BST1: variants seen among roughly 807,000 people sequenced by gnomAD.
BST1 encodes the protein bone marrow stromal cell antigen 1.
In BST1, 49 loss-of-function variants were observed where a neutral mutation model predicts 40.6. The ratio of observed to expected loss-of-function variants is 1.21; its 90% CI spans 0.96 to 1.53. BST1 has a LOEUF of 1.53. BST1 is among the 40% of genes most tolerant of loss of function. The pLI, the probability that BST1 is intolerant of heterozygous loss-of-function variation, is 0.00. For missense variants in BST1, 423 were observed against 395.9 expected (o/e 1.07, Z -0.58); for synonymous variants, 157 against 159.3 (o/e 0.99, Z 0.11).
At position 15,731,986 on chromosome 4, in the gene BST1, C is replaced by T; in HGVS notation, c.*141C>T. ...AAACGATGTCCTGAAAATGGTATTT[C>T]AATGAGGCATATGTTCAGGATTTCA... On this transcript the variant is annotated 3_prime_UTR_variant, in exon 9 of 9. Transcript: ENST00000265016. The T allele has an allele frequency of 1.4e-6, 2 of 1,390,402 alleles. No individual in the cohort carries two copies. Among genetic ancestry groups the T allele is most frequent in the Non-Finnish European group, 1.9e-6 (2 of 1,068,634 alleles). The allele number at this position is 1,390,402 out of a possible 1,614,324, so 86.1% of individuals were successfully genotyped here.
exon 7 of BST1, chr4:15,737,957 G>A (rs1398552393): frequency 2.2e-6 from 1 of 444,504 alleles, no homozygotes; most frequent in Non-Finnish European, 4.0e-6. Flanking sequence ...CTCTCCACAA[G>A]CTTCAGAGGA....
intron 3 of BST1, among the ~76,000 whole-genome samples, chr4:15,711,531 G>C (rs1476785243): frequency 6.6e-6 from 1 of 152,164 alleles, no homozygotes; most frequent in East Asian, 1.9e-4. Flanking sequence ...ATGCTCAGTG[G>C]TCAGCTAGAC....
In BST1 at chr4:15,732,258, C is replaced by A; in HGVS notation, c.*413C>A. 2 of 334,196 alleles carry A rather than the reference C, an allele frequency of 6.0e-6. No individual in the cohort carries two copies. Among genetic ancestry groups the A allele is most frequent in the African/African-American group, 2.2e-5 (1 of 44,810 alleles). 20.7% of individuals were successfully genotyped at this position (334,196 alleles called of 1,614,324 possible). The stretch of plus-strand genomic sequence containing the variant: ...CATATGTATACTATATAAATGTATG[C>A]ATATATGGTCTGCAAAGTTTTCATT... On this transcript the variant is annotated 3_prime_UTR_variant, in exon 9 of 9. Coordinates refer to ENST00000265016, the MANE Select transcript of BST1 (RefSeq NM_004334.3).
At chr4:15,715,934 A>C in intron 6 of BST1, 135 bp downstream of exon 6, 1 of 620,450 alleles carries the variant, frequency 1.6e-6, no homozygotes. Context: ...TTGGTAGAGA[A>C]AGACAAAAGC....
chr4:15,741,335 G>T (rs1721736673), downstream of BST1, among the ~76,000 whole-genome samples: 1 of 152,108 alleles, frequency 6.6e-6, no homozygotes. Flanking sequence ...AGAATTCTGT[G>T]CTCCTAGCAA....
At chr4:15,741,348 CTAT>C (rs1721736970), downstream of BST1, among the ~76,000 whole-genome samples, 1 of 152,048 alleles carries the variant, frequency 6.6e-6, no homozygotes, top group African/African-American at 2.4e-5. Flanking sequence ...CCTAGCAATC[CTAT>C]TATTATAGAA....
chr4:15,772,085 G>T, the BST1 span, among the ~76,000 whole-genome samples: 2 of 152,048 alleles, frequency 1.3e-5, no homozygotes, highest in African/African-American at 4.8e-5. Flanking sequence ...GAAGAAGAAA[G>T]AATTGTTTTC....
the BST1 span, among the ~76,000 whole-genome samples, chr4:15,770,801 G>A: frequency 6.6e-6 from 1 of 152,184 alleles, no homozygotes; most frequent in Non-Finnish European, 1.5e-5. Flanking sequence ...TTGACTACTT[G>A]CTAGGGGCCA....
chr4:15,769,747 A>G, the BST1 span, among the ~76,000 whole-genome samples: 6 of 152,086 alleles, frequency 3.9e-5, no homozygotes, highest in Admixed American at 2.0e-4. Flanking sequence ...AGATTAGGGG[A>G]AAAAAAGGCA....
intron 4 of BST1, among the ~76,000 whole-genome samples, chr4:15,714,540 T>C (rs909215684): frequency 5.9e-5 from 9 of 152,266 alleles, no homozygotes; most frequent in African/African-American, 2.2e-4. Flanking sequence ...AATGGCTGGT[T>C]AAGATTTCAG....
At chr4:15,746,621 C>T in the BST1 span, among the ~76,000 whole-genome samples, 1 of 152,180 alleles carries the variant, frequency 6.6e-6, no homozygotes, top group Non-Finnish European at 1.5e-5. Context: ...CTCTTAAAGG[C>T]CCCACCCCTT....
the BST1 span, among the ~76,000 whole-genome samples, chr4:15,757,682 C>A: frequency 6.6e-6 from 1 of 152,056 alleles, no homozygotes; most frequent in East Asian, 1.9e-4. Flanking sequence ...GCTCTTGTTG[C>A]CCAGGCTGGA....
intron 8 of BST1, 106 bp downstream of exon 8, chr4:15,723,040 G>A (rs1361286878): frequency 2.0e-6 from 2 of 1,015,204 alleles, no homozygotes; most frequent in Admixed American, 2.0e-5. Flanking sequence ...AGATGTAAGT[G>A]TGCTCATTGG....
At chr4:15,710,053 G>A (rs1239162201) in intron 3 of BST1, among the ~76,000 whole-genome samples, 2 of 151,964 alleles carry the variant, frequency 1.3e-5, no homozygotes, top group Non-Finnish European at 2.9e-5. Flanking sequence ...GCTCATTGCA[G>A]CCTTGAACTC....
downstream of BST1, chr4:15,736,171 G>C: frequency 1.6e-6 from 2 of 1,258,154 alleles, no homozygotes; most frequent in Non-Finnish European, 2.1e-6. Flanking sequence ...CCTCCTGACT[G>C]ATCTCTCTGC....
Position 15,703,343 on chromosome 4 carries a change from C to A in BST1, c.188+11C>A. 1 of 1,408,168 alleles carries A rather than the reference C, an allele frequency of 7.1e-7. No homozygotes were observed. Among genetic ancestry groups the A allele is most frequent in the South Asian group, 1.3e-5 (1 of 75,824 alleles). 87.2% of individuals were successfully genotyped at this position (1,408,168 alleles called of 1,614,324 possible). A position where few individuals can be genotyped will look rare whatever the true frequency, so the allele number is the denominator to read the frequency against. On this transcript the variant is annotated intron_variant, in intron 1 of 8. Coordinates refer to ENST00000265016, the MANE Select transcript of BST1 (RefSeq NM_004334.3). The stretch of plus-strand genomic sequence containing the variant: ...GAGTCCCGAGCAGCGGTGAGGCAGT[C>A]GGCCGGGTGGAAGGGGAGCCGGAAA...
intron 1 of BST1, among the ~76,000 whole-genome samples, chr4:15,704,483 GGT>G (rs1370666092): frequency 2.6e-4 from 38 of 148,304 alleles, no homozygotes; most frequent in African/African-American, 8.0e-4. Flanking sequence ...AGAGGTGAGG[GGT>G]GTGTGTGTGT....
Sources: gnomAD v4.1 joint callset for allele counts (sites outside exome capture counted in the v4.1 genomes callset) on GRCh38, gnomAD v4.1.1 for gene constraint, MANE v1.5 for transcripts, NCBI Gene and HGNC (gene_info 2026-07-23, HGNC 2026-07-21) for gene names.